Variants in ITGAL observed in about 807,000 individuals in gnomAD.
The protein encoded by ITGAL is integrin alpha-L.
ITGAL carries 68 observed loss-of-function variants against 138.4 expected under a neutral mutation model. The observed-to-expected ratio is 0.49, with a 90% CI of 0.40 to 0.60. The LOEUF (loss-of-function observed/expected upper bound fraction) is 0.60. ITGAL is among the 20% of genes least tolerant of loss of function. ITGAL has a pLI of 0.00. For synonymous variants in ITGAL, 561 were observed against 584.3 expected, an observed-to-expected ratio of 0.96 and a Z score of 0.57; for missense variants, 1,256 against 1,478.6, an observed-to-expected ratio of 0.85 and a Z score of 2.47.
At position 30,475,582 on chromosome 16, in the gene ITGAL, T is replaced by C; in HGVS notation, c.327+2T>C. 6.2e-7 allele frequency: 1 copy of C among 1,611,884 alleles called. No individual in the cohort carries two copies. The highest frequency in any genetic ancestry group is 8.5e-7 in the Non-Finnish European group (1 of 1,178,050). On this transcript the variant is annotated splice_donor_variant, in intron 4 of 30. Transcript: ENST00000356798. LOFTEE classifies it high-confidence loss of function. ...GACCCCACAGATGGAAGCATTTTGG[T>C]AAGAATTTTGTGCAGTGGTGTTATC...
intron 9 of ITGAL, among the ~76,000 whole-genome samples, chr16:30,486,181 ACACAGC>A (rs1341459022): frequency 6.6e-6 from 1 of 152,170 alleles, no homozygotes; most frequent in African/African-American, 2.4e-5. Context: ...CTTTGCTAGG[ACACAGC>A]CTTGGTGTTC....
At chr16:30,496,013 C>G (rs376971288) in intron 13 of ITGAL, 84 bp from the exon 14 acceptor site, 3 of 1,156,210 alleles carry the variant, frequency 2.6e-6, no homozygotes, top group African/African-American at 1.5e-5. Flanking sequence ...CCCCATCTTA[C>G]GTTTCTTTAG....
intron 11 of ITGAL, among the ~76,000 whole-genome samples, chr16:30,493,498 G>A (rs866176537): frequency 1.3e-5 from 2 of 151,630 alleles, no homozygotes; most frequent in African/African-American, 2.4e-5. Flanking sequence ...CGATGGTCTC[G>A]ATCTCCTGAC....
At chr16:30,505,535 T>C in intron 20 of ITGAL, 73 bp downstream of exon 20, 2 of 1,160,904 alleles carry the variant, frequency 1.7e-6, no homozygotes, top group East Asian at 2.3e-5. Context: ...TCACCAGATA[T>C]GTCATTTGCA....
At chr16:30,499,752 A>C in intron 17 of ITGAL, among the ~76,000 whole-genome samples, 1 of 54,282 alleles carries the variant, frequency 1.8e-5, no homozygotes, top group African/African-American at 7.4e-5. Context: ...TTTTTGACAC[A>C]GAGTCTCGCT....
rs771853948 is a variant in ITGAL at position 30,494,671 on chromosome 16, G to C, written c.1366-42G>C. The C allele has an allele frequency of 6.4e-7, 1 of 1,567,068 alleles. No individual in the cohort carries two copies. Among genetic ancestry groups the C allele is most frequent in the African/African-American group, 1.4e-5 (1 of 73,738 alleles). On this transcript the variant is annotated intron_variant, in intron 12 of 30. Transcript: ENST00000356798. This position sits in a 1 kb window ranked among gnomAD's most constrained non-coding sequence, Gnocchi z 4.2. ...AGGTATCTCCCTGCCAACCCCTGCT[G>C]TTCCCACAGGCGCTTCCCCAAACAC... is the stretch of plus-strand genomic sequence containing the variant.
intron 4 of ITGAL, among the ~76,000 whole-genome samples, chr16:30,475,997 A>C (rs1270375246): frequency 6.6e-6 from 1 of 152,006 alleles, no homozygotes; most frequent in Non-Finnish European, 1.5e-5. Flanking sequence ...CCTGCCTCTA[A>C]TCCCAGCACT....
In ITGAL at chr16:30,489,058, C is replaced by T. The variant is rs1441535980; in HGVS notation, c.1007-24C>T. ...CTGCATTTACTGCTGTTGGGTCTCA[C>T]CTGTTCTCTGCTTTGTTCCCCAGGC... is the stretch of plus-strand genomic sequence containing the variant. On this transcript the variant is annotated intron_variant, in intron 9 of 30. Transcript: ENST00000356798. The T allele has an allele frequency of 7.5e-6, 12 of 1,606,684 alleles. No homozygotes were observed. In the East Asian group the frequency reaches 1.8e-4, roughly 24 times the overall value.
intron 15 of ITGAL, among the ~76,000 whole-genome samples, chr16:30,498,263 C>A (rs1305775444): frequency 8.1e-4 from 95 of 117,998 alleles, no homozygotes; most frequent in Admixed American, 1.0e-3. Flanking sequence ...AGGAGGATCT[C>A]AAAAAAAAAA....
Position 30,479,455 on chromosome 16 carries a change from G to A in ITGAL, c.570G>A (p.Ser190=), listed in dbSNP as rs146094039. Residue 190 remains serine, a synonymous_variant, in exon 6 of 31, where the codon TCG becomes TCA. Transcript: ENST00000356798. The part of the protein sequence containing the change: ...KDVMKKLSNT[S]YQFAAVQFST... ...TGATGAAGAAACTCAGCAACACTTCGTACCAGGTAAAAAAGTTAGTTAGGA... is the reference window on the plus strand; with the variant it reads ...TGATGAAGAAACTCAGCAACACTTCATACCAGGTAAAAAAGTTAGTTAGGA... 238 of 1,613,848 alleles carry A rather than the reference G, an allele frequency of 1.5e-4. 2 individuals are homozygous for A. Among genetic ancestry groups the A allele is most frequent in the Admixed American group, 7.3e-4 (44 of 59,958 alleles).
chr16:30,501,190 C>T (rs1334946742), intron 17 of ITGAL, among the ~76,000 whole-genome samples: 7 of 151,736 alleles, frequency 4.6e-5, no homozygotes, highest in Non-Finnish European at 7.4e-5. Flanking sequence ...AACATGATTA[C>T]AATGGCAATG....
In ITGAL at chr16:30,499,154, A is replaced by C; in HGVS notation, c.1913A>C (p.Tyr638Ser). 1 of 1,613,896 alleles carries C rather than the reference A, an allele frequency of 6.2e-7. No homozygotes were observed. The highest frequency in any genetic ancestry group is 8.5e-7 in the Non-Finnish European group (1 of 1,179,900). The change falls in exon 16 of 31, where the codon TAT (tyrosine) becomes TCT (serine). Residue 638 changes from tyrosine to serine, a missense_variant. Tyr to Ser is a moderately radical substitution (Grantham distance 144). This residue lies in a region of ITGAL where 867 missense variants were observed against 972.5 expected (regional missense o/e 0.89). Coordinates refer to ENST00000356798, the MANE Select transcript of ITGAL (RefSeq NM_002209.3). ...CCAGTGCATGAAGTGGAGTGCTCCT[A>C]TTCAACCAGTAACAAGATGAAAGAA... ...EIPVHEVECS[Y>S]STSNKMKEGV...
intron 18 of ITGAL, 29 bp downstream of exon 18, chr16:30,504,293 G>C (rs1478208855): frequency 6.5e-7 from 1 of 1,534,282 alleles, no homozygotes; most frequent in Non-Finnish European, 9.0e-7. Flanking sequence ...GGATGGTGGG[G>C]AGTTTATCAG....
Position 30,511,022 on chromosome 16 carries a change from C to T in ITGAL, c.2700-28C>T, listed in dbSNP as rs186303417. ...AGACCTGGCCAAGCCCTTCTCCTAACACTGGCCTCTTCCTTGCCCCAATGC... is the reference window on the plus strand; with the variant it reads ...AGACCTGGCCAAGCCCTTCTCCTAATACTGGCCTCTTCCTTGCCCCAATGC... On this transcript the variant is annotated intron_variant, in intron 23 of 30. Coordinates refer to ENST00000356798, the MANE Select transcript of ITGAL (RefSeq NM_002209.3). The T allele has an allele frequency of 9.9e-6, 16 of 1,612,128 alleles. No homozygotes were observed. The Admixed American group carries it at 2.5e-4, about 25-fold the overall frequency.
In ITGAL at chr16:30,483,806, C is replaced by A. The variant is rs749398756; in HGVS notation, c.723-21C>A. ...GCCCTAGTTTGGGGGAGTCTCTCAT[C>A]TCCTCCTTTCCTGGACACAGGACAG... On this transcript the variant is annotated intron_variant, in intron 7 of 30. Coordinates refer to ENST00000356798, the MANE Select transcript of ITGAL (RefSeq NM_002209.3). 3 of 1,593,580 alleles carry A rather than the reference C, an allele frequency of 1.9e-6. No individual in the cohort carries two copies. The South Asian group carries it at 3.3e-5, about 18-fold the overall frequency.
intron 21 of ITGAL, among the ~76,000 whole-genome samples, chr16:30,507,211 G>A (rs2051014643): frequency 6.6e-6 from 1 of 152,052 alleles, no homozygotes; most frequent in Non-Finnish European, 1.5e-5. Flanking sequence ...TGTAATCCCA[G>A]CACCTTGGGA....
intron 11 of ITGAL, among the ~76,000 whole-genome samples, chr16:30,493,365 C>A (rs1186788891): frequency 6.6e-6 from 1 of 151,592 alleles, no homozygotes; most frequent in Non-Finnish European, 1.5e-5. Context: ...CTTCAAGCTC[C>A]CCCTCCCAGG....
chr16:30,503,566 G>C, intron 17 of ITGAL, among the ~76,000 whole-genome samples: 1 of 149,736 alleles, frequency 6.7e-6, no homozygotes, highest in Non-Finnish European at 1.5e-5. Context: ...AGGGAGGCAG[G>C]CAAGGAGGGA....
At chr16:30,481,236 C>A in intron 6 of ITGAL, 1 of 509,322 alleles carries the variant, frequency 2.0e-6, no homozygotes, top group Middle Eastern at 5.6e-4. Flanking sequence ...ATCGCAGCTA[C>A]TTGGGAGGCT....
Sources: gnomAD v4.1 joint callset for allele counts (sites outside exome capture counted in the v4.1 genomes callset) on GRCh38, gnomAD v4.1.1 for gene constraint, gnomAD v4.1.1 regional missense constraint, Gnocchi (gnomAD v3.1) non-coding constraint, MANE v1.5 for transcripts, NCBI Gene and HGNC (gene_info 2026-07-23, HGNC 2026-07-21) for gene names.